ELOVL7: variants seen among roughly 807,000 people sequenced by gnomAD.
ELOVL7 encodes ELOVL fatty acid elongase 7, also known as very long chain fatty acid elongase 7.
ELOVL7 carries 27 observed loss-of-function variants against 35.7 expected under a neutral mutation model. The observed-to-expected ratio is 0.76, with a 90% CI of 0.56 to 1.04. ELOVL7 has a LOEUF of 1.04. ELOVL7 is among the 50% of genes least tolerant of loss of function. The pLI, the probability that ELOVL7 is intolerant of heterozygous loss-of-function variation, is 0.00. For synonymous variants in ELOVL7, 113 were observed against 114.6 expected (o/e 0.99, Z 0.09); for missense variants, 327 against 340.8 (o/e 0.96, Z 0.32).
intron 1 of ELOVL7, among the ~76,000 whole-genome samples, chr5:60,819,963 T>G (rs1249677482): frequency 1.3e-5 from 2 of 152,202 alleles, no homozygotes; most frequent in Non-Finnish European, 2.9e-5. Context: ...CCCTGGAATA[T>G]CATGTTGGGC....
chr5:60,834,677 T>C (rs1168090457), intron 1 of ELOVL7, among the ~76,000 whole-genome samples: 1 of 152,044 alleles, frequency 6.6e-6, no homozygotes, highest in Non-Finnish European at 1.5e-5. Context: ...GTTGATTATA[T>C]ACCATTAGTA....
chr5:60,786,742 C>G (rs376940111), intron 3 of ELOVL7, among the ~76,000 whole-genome samples: 2 of 151,952 alleles, frequency 1.3e-5, no homozygotes, highest in Non-Finnish European at 2.9e-5. Context: ...GTCAGGAGAT[C>G]AAGACCATCC....
At chr5:60,784,126 T>G in intron 3 of ELOVL7, 1 of 1,517,296 alleles carries the variant, frequency 6.6e-7, no homozygotes, top group Non-Finnish European at 8.8e-7. Context: ...CATCAGCTGC[T>G]TCTAAGAGAG....
chr5:60,808,003 A>G (rs1195647028), intron 1 of ELOVL7, among the ~76,000 whole-genome samples: 1 of 142,922 alleles, frequency 7.0e-6, no homozygotes, highest in African/African-American at 2.8e-5. Flanking sequence ...AAAAAAAAAA[A>G]AAAAAAAAAA....
intron 2 of ELOVL7, among the ~76,000 whole-genome samples, chr5:60,798,918 T>A (rs999129659): frequency 1.3e-4 from 20 of 152,192 alleles, no homozygotes; most frequent in Non-Finnish European, 2.6e-4. Flanking sequence ...TCTTCTTAAG[T>A]GTACACAGAA....
chr5:60,813,715 T>C (rs1745365076), intron 1 of ELOVL7, among the ~76,000 whole-genome samples: 1 of 152,080 alleles, frequency 6.6e-6, no homozygotes, highest in Non-Finnish European at 1.5e-5. Flanking sequence ...ACCACTAGCC[T>C]GGTTGTAGTA....
At chr5:60,791,779 CATT>C (rs1443870870) in intron 2 of ELOVL7, among the ~76,000 whole-genome samples, 1 of 152,184 alleles carries the variant, frequency 6.6e-6, no homozygotes, top group Non-Finnish European at 1.5e-5. Flanking sequence ...GCCCTTGACC[CATT>C]ATTCTCAAAA....
intron 3 of ELOVL7, among the ~76,000 whole-genome samples, chr5:60,780,212 C>T (rs368402732): frequency 1.3e-5 from 2 of 150,992 alleles, no homozygotes; most frequent in African/African-American, 2.5e-5. Context: ...CTCTGCCTCC[C>T]GGGTTCAAGT....
chr5:60,777,731 AG>A (rs112178515), intron 3 of ELOVL7, among the ~76,000 whole-genome samples: 86 of 152,320 alleles, frequency 5.6e-4, no homozygotes, highest in African/African-American at 2.0e-3. Flanking sequence ...GAATTACTGA[AG>A]GAAAAAACAT....
chr5:60,823,993 G>T (rs1189166011), intron 1 of ELOVL7, among the ~76,000 whole-genome samples: 1 of 152,194 alleles, frequency 6.6e-6, no homozygotes, highest in Non-Finnish European at 1.5e-5. Flanking sequence ...ACACTGTTCA[G>T]CTACCTGGGT....
At chr5:60,772,297 T>C (rs139381421) in intron 3 of ELOVL7, among the ~76,000 whole-genome samples, 103 of 152,136 alleles carry the variant, frequency 6.8e-4, no homozygotes, top group Middle Eastern at 3.4e-3. Context: ...GGAGAGGAGC[T>C]GTATTATGCA....
At chr5:60,777,505 G>A (rs1358085518) in intron 3 of ELOVL7, among the ~76,000 whole-genome samples, 1 of 152,024 alleles carries the variant, frequency 6.6e-6, no homozygotes, top group Non-Finnish European at 1.5e-5. Flanking sequence ...CTTACACTTA[G>A]ACTGCCTTTA....
chr5:60,788,076 A>G (rs6449500), intron 2 of ELOVL7, among the ~76,000 whole-genome samples: 88,282 of 152,022 alleles, frequency 0.58, 26,396 homozygotes, highest in East Asian at 0.89. Context: ...TAAATCTGCA[A>G]TAATTAAGAC....
chr5:60,815,427 C>T (rs1018870841), intron 1 of ELOVL7, among the ~76,000 whole-genome samples: 4 of 152,144 alleles, frequency 2.6e-5, no homozygotes, highest in Admixed American at 6.5e-5. Context: ...TAGCATCACT[C>T]AGAGTGAAAT....
chr5:60,791,358 C>A (rs1033565355), intron 2 of ELOVL7, among the ~76,000 whole-genome samples: 4 of 151,956 alleles, frequency 2.6e-5, no homozygotes, highest in Non-Finnish European at 5.9e-5. Flanking sequence ...ACACTGGGGA[C>A]TTCAAAATGG....
chr5:60,820,701 G>A (rs1351105905), intron 1 of ELOVL7, among the ~76,000 whole-genome samples: 1 of 152,062 alleles, frequency 6.6e-6, no homozygotes, highest in Non-Finnish European at 1.5e-5. Flanking sequence ...CAATGAGTTG[G>A]ACCACGAACC....
intron 3 of ELOVL7, among the ~76,000 whole-genome samples, chr5:60,773,011 CTG>C (rs1742691164): frequency 6.6e-6 from 1 of 152,114 alleles, no homozygotes; most frequent in Non-Finnish European, 1.5e-5. Flanking sequence ...GAGCTAACAA[CTG>C]TGATATTCTG....
intron 1 of ELOVL7, among the ~76,000 whole-genome samples, chr5:60,830,222 A>G (rs1050516043): frequency 7.9e-5 from 12 of 152,192 alleles, no homozygotes; most frequent in Non-Finnish European, 1.2e-4. Context: ...CCTTCTTGAC[A>G]CTAGGGATAC....
At chr5:60,778,724 C>T (rs1743059805) in intron 3 of ELOVL7, among the ~76,000 whole-genome samples, 1 of 152,126 alleles carries the variant, frequency 6.6e-6, no homozygotes, top group Non-Finnish European at 1.5e-5. Context: ...TCCCTGGGCC[C>T]TCCCAAATCT....
Sources: allele counts gnomAD v4.1 joint callset (sites outside exome capture counted in the v4.1 genomes callset), GRCh38; gene constraint gnomAD v4.1.1; transcripts MANE v1.5; gene names NCBI Gene and HGNC (gene_info 2026-07-23, HGNC 2026-07-21).